The following TSPAN16 variants were observed in gnomAD, a reference collection of about 807,000 sequenced individuals.
TSPAN16 encodes tetraspanin-16.
In TSPAN16, 23 loss-of-function variants were observed where a neutral mutation model predicts 25.2. The observed-to-expected ratio is 0.91, with a 90% confidence interval of 0.66 to 1.29. The LOEUF is 1.29. Among genes scored for constraint, TSPAN16 ranks in the 50% most tolerant of loss-of-function variants. The pLI, the probability that TSPAN16 is intolerant of heterozygous loss-of-function variation, is 0.00. For missense variants in TSPAN16, 272 were observed against 299.9 expected (o/e 0.91, Z 0.69); for synonymous variants, 123 against 124.4 (o/e 0.99, Z 0.08).
exon 7 of TSPAN16, chr19:11,326,905 G>A: frequency 3.7e-6 from 2 of 542,416 alleles, no homozygotes; most frequent in South Asian, 4.6e-5. Context: ...CCACCACGCT[G>A]GGCTTCCTGC....
chr19:11,316,086 G>GGGGTGTGTGTGTGT (rs1555705741), downstream of TSPAN16: 1 of 256,472 alleles, frequency 3.9e-6, no homozygotes, highest in African/African-American at 3.0e-5. Flanking sequence ...AATTATTCTT[G>GGGGTGTGTGTGTGT]GTGTGTGTGT....
chr19:11,314,906 G>A (rs1301896737), intron 6 of TSPAN16, among the ~76,000 whole-genome samples: 1 of 152,070 alleles, frequency 6.6e-6, no homozygotes, highest in African/African-American at 2.4e-5. Context: ...GTGGAGTCTG[G>A]GGAATATGGT....
In TSPAN16 at chr19:11,325,095, G is replaced by GT. The variant is rs1005682157; in HGVS notation, c.688-1698dup. 4.5e-5 allele frequency: 13 copies of GT among 288,092 alleles called. No individual in the cohort carries two copies. The Admixed American group carries it at 5.6e-4, about 12-fold the overall frequency. The allele number at this position is 288,092 out of a possible 1,614,324, so 17.8% of individuals were successfully genotyped here. A position where few individuals can be genotyped will look rare whatever the true frequency, so the allele number is the denominator to read the frequency against. ...GCCCCTCCATCAGAAAGAGTGGGACGTGTCACCCATGGCCACCCTCAACAC... is the reference window on the plus strand; with the variant it reads ...GCCCCTCCATCAGAAAGAGTGGGACGTTGTCACCCATGGCCACCCTCAACAC... On this transcript the variant is annotated intron_variant, in intron 6 of 6. Coordinates refer to the TSPAN16 transcript ENST00000316737.
intron 4 of TSPAN16, among the ~76,000 whole-genome samples, chr19:11,304,943 G>A (rs997205174): frequency 7.3e-5 from 11 of 151,724 alleles, no homozygotes; most frequent in Non-Finnish European, 1.0e-4. Flanking sequence ...GAGCCACTGC[G>A]CCCAGCTTCA....
At chr19:11,304,110 C>T (rs778469360) in intron 4 of TSPAN16, among the ~76,000 whole-genome samples, 16 of 151,540 alleles carry the variant, frequency 1.1e-4, no homozygotes, top group Non-Finnish European at 2.1e-4. Flanking sequence ...TCATTGCCAT[C>T]CTAATGAGTG....
chr19:11,319,787 A>G (rs888361654), downstream of TSPAN16, among the ~76,000 whole-genome samples: 3 of 152,014 alleles, frequency 2.0e-5, no homozygotes, highest in African/African-American at 7.2e-5. Context: ...AAGCTCTCCA[A>G]ACCTGTCATT....
chr19:11,296,420 C>A, intron 1 of TSPAN16, 54 bp downstream of exon 1: 1 of 1,563,552 alleles, frequency 6.4e-7, no homozygotes, highest in South Asian at 1.1e-5. Flanking sequence ...CCTCCACAGT[C>A]AGCTCCCTGA....
rs1568285327 is a variant in TSPAN16 at position 11,298,281 on chromosome 19, T to G, written c.209T>G (p.Leu70Arg). ...CTGGTGATGGGATGCATCACGGTAC[T>G]GCTTGGCTGTGCCGGGTGGTATGGA... ...LCLVMGCITV[L>R]LGCAGWYGAT... Residue 70 changes from leucine to arginine, a missense_variant, in exon 2 of 7, where the codon CTG becomes CGG. By Grantham distance (102) the Leu-to-Arg change is moderately radical. Coordinates refer to ENST00000590327, the MANE Select transcript of TSPAN16 (RefSeq NM_001282509.2). 7 of 1,614,172 alleles carry G rather than the reference T, an allele frequency of 4.3e-6. No individual in the cohort carries two copies. In the East Asian group the frequency reaches 1.6e-4, roughly 36 times the overall value.
rs1039423442 is a variant in TSPAN16, at chr19:11,301,043, G to A, written c.343-158G>A. The A allele has an allele frequency of 3.0e-5, 18 of 602,164 alleles. No homozygotes were observed. The Admixed American group carries it at 4.9e-4, about 16-fold the overall frequency. 37.3% of individuals were successfully genotyped at this position (602,164 alleles called of 1,614,324 possible). A position where few individuals can be genotyped will look rare whatever the true frequency, so the allele number is the denominator to read the frequency against. ...GTGGTGGGGGCACAGTAGCCTTCGT[G>A]TGTCTTCCTCTAGCACAGACCCCTG... On this transcript the variant is annotated intron_variant, in intron 3 of 6. Transcript: ENST00000590327.
At chr19:11,321,136 T>C (rs2080777058) in intron 6 of TSPAN16, among the ~76,000 whole-genome samples, 1 of 149,716 alleles carries the variant, frequency 6.7e-6, no homozygotes, top group South Asian at 2.1e-4. Context: ...ACCACTGCAC[T>C]CCAGCTGGGT....
rs2080627428 is a variant in TSPAN16 at position 11,306,491 on chromosome 19, G to GCA, written c.451-110_451-109dup. 4 of 1,284,702 alleles carry GCA rather than the reference G, an allele frequency of 3.1e-6. No individual in the cohort carries two copies. In the East Asian group the frequency reaches 9.4e-5, roughly 30 times the overall value. 79.6% of individuals were successfully genotyped at this position (1,284,702 alleles called of 1,614,324 possible). On this transcript the variant is annotated intron_variant, in intron 4 of 6. Transcript: ENST00000590327. Reference sequence around the variant, plus strand: ...TGGGATGTTTGTAAGAGGATGTTTAGCACAGTCTCTGGGATATTGTGACCA... The same window carrying GCA: ...TGGGATGTTTGTAAGAGGATGTTTAGCACACAGTCTCTGGGATATTGTGACCA...
rs2080744037 is a variant in TSPAN16 at position 11,315,828 on chromosome 19, A to C, written c.725A>C (p.Lys242Thr). The C allele has an allele frequency of 8.1e-7, 1 of 1,231,790 alleles. No individual in the cohort carries two copies. Among genetic ancestry groups the C allele is most frequent in the South Asian group, 4.1e-5 (1 of 24,316 alleles). The allele number at this position is 1,231,790 out of a possible 1,614,324, so 76.3% of individuals were successfully genotyped here. A position where few individuals can be genotyped will look rare whatever the true frequency, so the allele number is the denominator to read the frequency against. The change falls in exon 7 of 7, where the codon AAG (lysine) becomes ACG (threonine). Residue 242 changes from lysine to threonine, a missense_variant. By Grantham distance (78) the Lys-to-Thr change is moderately conservative. Coordinates refer to ENST00000590327, the MANE Select transcript of TSPAN16 (RefSeq NM_001282509.2). ...GILATLLLFI[K>T]LG ...CTTGCCACTTTGCTGCTGTTTATCA[A>C]GCTGGGCTGACACCCAGGCCTGGAG...
intron 6 of TSPAN16, among the ~76,000 whole-genome samples, chr19:11,315,492 G>C (rs2080739259): frequency 6.6e-6 from 1 of 151,192 alleles, no homozygotes; most frequent in South Asian, 2.1e-4. Flanking sequence ...GGGAGGCGGA[G>C]CTTGTAGTGA....
chr19:11,309,564 C>A (rs1405143869), intron 5 of TSPAN16, among the ~76,000 whole-genome samples: 1 of 152,256 alleles, frequency 6.6e-6, no homozygotes. Context: ...TCAACTGGCA[C>A]TTTCTCCGTG....
chr19:11,301,969 G>A (rs1274317482), intron 4 of TSPAN16, among the ~76,000 whole-genome samples: 3 of 122,090 alleles, frequency 2.5e-5, no homozygotes, highest in African/African-American at 8.1e-5. Context: ...GATTAGAGGC[G>A]CCCACCACCA....
chr19:11,325,510 A>C, intron 6 of TSPAN16: 1 of 1,613,760 alleles, frequency 6.2e-7, no homozygotes, highest in East Asian at 2.2e-5. Flanking sequence ...CTTCTCGCAG[A>C]TGACATCCAC....
intron 6 of TSPAN16, chr19:11,322,682 C>G (rs1378358183): frequency 6.6e-6 from 1 of 152,164 alleles, no homozygotes; most frequent in African/African-American, 2.4e-5. Flanking sequence ...AACAAATGTT[C>G]CCATATTATT....
intron 6 of TSPAN16, chr19:11,325,230 C>G (rs2080804721): frequency 1.7e-6 from 1 of 576,298 alleles, no homozygotes. Context: ...CCTGAGGAAC[C>G]TGGCAGCCAC....
chr19:11,315,163 G>A lies in TSPAN16; in HGVS notation c.688-628G>A, dbSNP rs550500985. Among the ~76,000 whole-genome samples the A allele has an allele frequency of 1.3e-4, 20 of 150,722 alleles. No homozygotes were observed. In the South Asian group the frequency reaches 4.0e-3, roughly 30 times the overall value. On this transcript the variant is annotated intron_variant, in intron 6 of 6. Coordinates refer to ENST00000590327, the MANE Select transcript of TSPAN16 (RefSeq NM_001282509.2). ...AGGCAGGAGAATTGCTTGAACCCGGGAGATGAAGGTTGCAATGAGCCAAGA... is the reference window on the plus strand; with the variant it reads ...AGGCAGGAGAATTGCTTGAACCCGGAAGATGAAGGTTGCAATGAGCCAAGA...
Sources: allele counts gnomAD v4.1 joint callset (sites outside exome capture counted in the v4.1 genomes callset), GRCh38; gene constraint gnomAD v4.1.1; transcripts MANE v1.5; gene names NCBI Gene and HGNC (gene_info 2026-07-23, HGNC 2026-07-21).